The following ADCY5 variants were observed in gnomAD, a reference collection of about 807,000 sequenced individuals.
ADCY5 encodes adenylate cyclase 5.
Under a neutral mutation model 119.7 loss-of-function variants are expected in ADCY5, and 30 were observed. The observed-to-expected ratio is 0.25, with a 90% CI of 0.19 to 0.34. The LOEUF (loss-of-function observed/expected upper bound fraction) is 0.34. Ranked by LOEUF, ADCY5 falls within the 10% of genes least tolerant of loss-of-function variation. The probability of loss-of-function intolerance (pLI) is 1.00; values close to 1 mark genes in which losing one functional copy is unlikely to be tolerated. For missense variants in ADCY5, 1,324 were observed against 1,775.2 expected (o/e 0.75, Z 4.57); for synonymous variants, 753 against 762.2 (o/e 0.99, Z 0.20).
intron 1 of ADCY5, among the ~76,000 whole-genome samples, chr3:123,443,432 C>G (rs1008238162): frequency 6.6e-6 from 1 of 152,148 alleles, no homozygotes; most frequent in Non-Finnish European, 1.5e-5. Flanking sequence ...CGTCCACCAC[C>G]TGGGTCAGCC....
rs1491376696 is a variant in ADCY5, at chr3:123,426,318, TTG to T, written c.1134+21092_1134+21093del. ...TTTTGTGTTTTTTTTTTGTTTGTTT[TTG>T]TTTGTTTGTTTGTTTGTTTTTGAGA... On this transcript the variant is annotated intron_variant, in intron 1 of 20. Coordinates refer to ENST00000462833, the MANE Select transcript of ADCY5 (RefSeq NM_183357.3). Among the ~76,000 whole-genome samples, 293 of 49,900 alleles carry T rather than the reference TTG, an allele frequency of 5.9e-3. 5 individuals carry two copies. The highest frequency in any genetic ancestry group is 0.015 in the African/African-American group (273 of 18,728). 32.7% of individuals were successfully genotyped at this position (49,900 alleles called of 152,430 possible).
intron 12 of ADCY5, among the ~76,000 whole-genome samples, chr3:123,308,014 T>C (rs1418928926): frequency 1.3e-5 from 2 of 150,950 alleles, no homozygotes; most frequent in Non-Finnish European, 2.9e-5. Flanking sequence ...ATGCTCTTTT[T>C]TTTTTTTCAT....
intron 17 of ADCY5, among the ~76,000 whole-genome samples, chr3:123,293,288 G>T (rs553105569): frequency 6.6e-6 from 1 of 152,084 alleles, no homozygotes; most frequent in Non-Finnish European, 1.5e-5. Flanking sequence ...TGAGGAGTCC[G>T]CCTACCAGCC....
intron 1 of ADCY5, among the ~76,000 whole-genome samples, chr3:123,397,598 CT>C (rs113727957): frequency 0.017 from 2,627 of 152,360 alleles, 74 homozygotes; most frequent in African/African-American, 0.06. Flanking sequence ...GATCACACCA[CT>C]GCACTCCAGC....
At chr3:123,344,483 GCAACCCTATTAAGTAGGTACTCTTC>G in intron 3 of ADCY5, among the ~76,000 whole-genome samples, 1 of 152,222 alleles carries the variant, frequency 6.6e-6, no homozygotes. Context: ...TTTACTCTTT[GCAACCCTATTAAGTAGGTACTCTTC>G]CTATCCTATT....
intron 1 of ADCY5, among the ~76,000 whole-genome samples, chr3:123,390,372 C>A (rs1266711575): frequency 6.6e-6 from 1 of 152,220 alleles, no homozygotes. Context: ...CGTCTTCAAG[C>A]CCATTTCCCT....
At chr3:123,341,613 T>TA (rs1337760019) in intron 3 of ADCY5, among the ~76,000 whole-genome samples, 1 of 152,092 alleles carries the variant, frequency 6.6e-6, no homozygotes, top group Non-Finnish European at 1.5e-5. Flanking sequence ...ACTGTACATT[T>TA]AAAAATGGCT....
intron 1 of ADCY5, among the ~76,000 whole-genome samples, chr3:123,360,244 C>G: frequency 6.6e-6 from 1 of 152,096 alleles, no homozygotes. Flanking sequence ...GTGGCCAGCT[C>G]TATACCACTG....
intron 3 of ADCY5, among the ~76,000 whole-genome samples, chr3:123,345,983 ACG>A (rs1458835523): frequency 6.6e-6 from 1 of 152,194 alleles, no homozygotes; most frequent in East Asian, 1.9e-4. Context: ...CACTTAACCA[ACG>A]AGAGGACAAG....
chr3:123,379,615 A>G (rs1321292474), intron 1 of ADCY5, among the ~76,000 whole-genome samples: 1 of 150,340 alleles, frequency 6.7e-6, no homozygotes, highest in Non-Finnish European at 1.5e-5. Flanking sequence ...GGTGTGGAGA[A>G]GGGGGTGGGT....
At chr3:123,331,694 G>A (rs910108781) in intron 4 of ADCY5, among the ~76,000 whole-genome samples, 1 of 152,140 alleles carries the variant, frequency 6.6e-6, no homozygotes, top group Admixed American at 6.5e-5. Context: ...ATTATGAGCG[G>A]TCCAACTCTG....
intron 1 of ADCY5, among the ~76,000 whole-genome samples, chr3:123,393,564 T>TTAAAA (rs58733977): frequency 0.16 from 23,118 of 143,410 alleles, 2,107 homozygotes; most frequent in African/African-American, 0.24. Flanking sequence ...TTCTAAAAAA[T>TTAAAA]TAAAATAAAA....
intron 1 of ADCY5, among the ~76,000 whole-genome samples, chr3:123,421,252 A>G (rs1273989266): frequency 1.3e-5 from 2 of 152,180 alleles, no homozygotes; most frequent in Non-Finnish European, 2.9e-5. Context: ...CAGGTGCTAC[A>G]CACTATTATA....
chr3:123,302,561 C>G (rs1284178257), intron 14 of ADCY5, among the ~76,000 whole-genome samples: 1 of 152,110 alleles, frequency 6.6e-6, no homozygotes, highest in East Asian at 1.9e-4. Flanking sequence ...GGGGTAGGGT[C>G]TGCTACAGAA....
At chr3:123,301,315 C>T (rs1217864319) in intron 14 of ADCY5, among the ~76,000 whole-genome samples, 1 of 152,178 alleles carries the variant, frequency 6.6e-6, no homozygotes, top group Non-Finnish European at 1.5e-5. Flanking sequence ...CCTTCTGGAG[C>T]CAAGGAAGGA....
chr3:123,344,322 G>A (rs185884683), intron 3 of ADCY5, among the ~76,000 whole-genome samples: 72 of 152,190 alleles, frequency 4.7e-4, no homozygotes, highest in African/African-American at 1.4e-3. Context: ...CCCTCCATTC[G>A]CCAACTAGAG....
intron 13 of ADCY5, among the ~76,000 whole-genome samples, chr3:123,303,712 C>A (rs1939996657): frequency 6.6e-6 from 1 of 152,164 alleles, no homozygotes; most frequent in Non-Finnish European, 1.5e-5. Flanking sequence ...GTAGTCCCAG[C>A]TACTTGGGAG....
chr3:123,421,214 T>C (rs1343190090), intron 1 of ADCY5, among the ~76,000 whole-genome samples: 1 of 152,212 alleles, frequency 6.6e-6, no homozygotes, highest in Non-Finnish European at 1.5e-5. Flanking sequence ...AGAATGACTA[T>C]AAAAGAGTAA....
chr3:123,320,678 A>G, intron 9 of ADCY5, 71 bp downstream of exon 9: 12 of 1,581,438 alleles, frequency 7.6e-6, no homozygotes, highest in Non-Finnish European at 1.0e-5. Context: ...TGGAGAAACC[A>G]AGTGATAAGG....
Sources: allele counts gnomAD v4.1 joint callset (sites outside exome capture counted in the v4.1 genomes callset), GRCh38; gene constraint gnomAD v4.1.1; transcripts MANE v1.5; gene names NCBI Gene and HGNC (gene_info 2026-07-23, HGNC 2026-07-21).